Variants in TARS1 observed in about 807,000 individuals in gnomAD.
TARS1 encodes the protein threonine--tRNA ligase 1, cytoplasmic.
Under a neutral mutation model 97.7 loss-of-function variants are expected in TARS1, and 57 were observed. The observed-to-expected ratio is 0.58, with a 90% CI of 0.47 to 0.73. The LOEUF is 0.73. Among genes scored for constraint, TARS1 ranks in the 30% least tolerant of loss-of-function variants. The pLI is 0.00. For synonymous variants in TARS1, 312 were observed against 293.7 expected (o/e 1.06, Z -0.64); for missense variants, 806 against 888.3 (o/e 0.91, Z 1.18).
At chr5:33,462,327 A>G in intron 16 of TARS1, 124 bp downstream of exon 16, 1 of 827,632 alleles carries the variant, frequency 1.2e-6, no homozygotes, top group Non-Finnish European at 1.9e-6. Context: ...CTAACTAACG[A>G]CAAGTGTTCA....
intron 1 of TARS1, chr5:33,441,585 G>A (rs1311534863): frequency 6.1e-6 from 1 of 164,132 alleles, no homozygotes; most frequent in Non-Finnish European, 1.3e-5. Flanking sequence ...GGAAAACCGA[G>A]TGCCCGAGAT....
chr5:33,448,137 T>C (rs1401800451), intron 2 of TARS1, among the ~76,000 whole-genome samples: 5 of 152,210 alleles, frequency 3.3e-5, no homozygotes, highest in African/African-American at 7.2e-5. Context: ...AGTGGACATA[T>C]AGGCTGACCC....
intron 11 of TARS1, 171 bp downstream of exon 11, chr5:33,460,032 T>G (rs1742218390): frequency 2.0e-5 from 12 of 611,598 alleles, no homozygotes; most frequent in Non-Finnish European, 2.8e-5. Context: ...TCCCCACTTT[T>G]TTTTTTTTTT....
intron 10 of TARS1, 137 bp from the exon 11 acceptor site, chr5:33,459,558 T>G (rs1391928357): frequency 9.5e-7 from 1 of 1,048,270 alleles, no homozygotes; most frequent in African/African-American, 1.6e-5. Flanking sequence ...GGTATATACT[T>G]AGAAGTGGGA....
chr5:33,449,581 G>A (rs374428574), intron 3 of TARS1, among the ~76,000 whole-genome samples: 23 of 147,386 alleles, frequency 1.6e-4, no homozygotes, highest in African/African-American at 4.7e-4. Context: ...TCAGCCTCCC[G>A]AGTAGCTGGG....
At chr5:33,455,377 G>T (rs1741960796) in intron 5 of TARS1, among the ~76,000 whole-genome samples, 1 of 152,140 alleles carries the variant, frequency 6.6e-6, no homozygotes, top group Non-Finnish European at 1.5e-5. Flanking sequence ...GGTCTCCATG[G>T]ATGACCAAGG....
At chr5:33,443,537 G>C (rs2111919754) in intron 1 of TARS1, among the ~76,000 whole-genome samples, 2 of 145,216 alleles carry the variant, frequency 1.4e-5, no homozygotes, top group Middle Eastern at 7.5e-3. Flanking sequence ...CTGTCTCCCA[G>C]GCTGGAGTGC....
intron 17 of TARS1, chr5:33,466,669 G>T (rs1188960222): frequency 5.0e-6 from 2 of 401,614 alleles, no homozygotes; most frequent in Non-Finnish European, 4.5e-6. Context: ...TAATACACAT[G>T]ACCTGAGGTA....
Position 33,461,315 on chromosome 5 carries a change from G to C in TARS1, c.1551+20G>C. The C allele has an allele frequency of 1.2e-6, 2 of 1,606,110 alleles. No homozygotes were observed. The highest frequency in any genetic ancestry group is 1.7e-6 in the Non-Finnish European group (2 of 1,177,260). On this transcript the variant is annotated intron_variant, in intron 13 of 18. Coordinates refer to ENST00000265112, the MANE Select transcript of TARS1 (RefSeq NM_152295.5). Reference sequence around the variant, plus strand: ...GAGAAAGTAAGTGGTGTTTTTCAGCGTGCTTTTGAATACTGTTTGAAATTG... The same window carrying C: ...GAGAAAGTAAGTGGTGTTTTTCAGCCTGCTTTTGAATACTGTTTGAAATTG...
At chr5:33,455,726 G>GGCC (rs778340825) in intron 6 of TARS1, 22 bp downstream of exon 6, 1 of 1,477,382 alleles carries the variant, frequency 6.8e-7, no homozygotes, top group Non-Finnish European at 9.4e-7. Context: ...CATAGTGCGT[G>GGCC]GCCCCCACTG....
chr5:33,443,000 G>C (rs989959084), intron 1 of TARS1, among the ~76,000 whole-genome samples: 2 of 152,126 alleles, frequency 1.3e-5, no homozygotes, highest in African/African-American at 4.8e-5. Flanking sequence ...GATCATTCCT[G>C]AGAAAGGTAA....
Position 33,467,982 on chromosome 5 carries a change from T to G in TARS1, c.*274T>G. The G allele has an allele frequency of 3.3e-6, 1 of 301,592 alleles. No individual in the cohort carries two copies. The highest frequency in any genetic ancestry group is 6.0e-6 in the Non-Finnish European group (1 of 165,706). The allele number at this position is 301,592 out of a possible 1,614,324, so 18.7% of individuals were successfully genotyped here. A position where few individuals can be genotyped will look rare whatever the true frequency, so the allele number is the denominator to read the frequency against. On this transcript the variant is annotated 3_prime_UTR_variant, in exon 19 of 19. Transcript: ENST00000265112. Reference sequence around the variant, plus strand: ...ACATGAGGAATGCTTTAGTGTAATGTGGGAGAACTTTTTTGTAAATTTAAT... The same window carrying G: ...ACATGAGGAATGCTTTAGTGTAATGGGGGAGAACTTTTTTGTAAATTTAAT...
At chr5:33,459,588 G>A in intron 10 of TARS1, 107 bp from the exon 11 acceptor site, 2 of 1,304,456 alleles carry the variant, frequency 1.5e-6, no homozygotes, top group Non-Finnish European at 2.1e-6. Context: ...CATGGCATGT[G>A]TCCATCTTTT....
At chr5:33,459,991 C>T (rs1742215852) in intron 11 of TARS1, 130 bp downstream of exon 11, 2 of 869,772 alleles carry the variant, frequency 2.3e-6, no homozygotes, top group Admixed American at 2.9e-5. Context: ...AACGCAACAT[C>T]TTTGTATTAT....
chr5:33,455,952 G>A, intron 6 of TARS1, 50 bp from the exon 7 acceptor site: 2 of 1,535,370 alleles, frequency 1.3e-6, no homozygotes, highest in Non-Finnish European at 1.8e-6. Flanking sequence ...GTACTTAGAA[G>A]TAAAAATTAA....
chr5:33,467,701 A>T lies in TARS1; in HGVS notation c.2165A>T (p.Glu722Val), dbSNP rs745495498. 1.6e-5 allele frequency: 25 copies of T among 1,608,504 alleles called. No individual in the cohort carries two copies. Among genetic ancestry groups the T allele is most frequent in the Middle Eastern group, 1.7e-4 (1 of 6,038 alleles). The stretch of plus-strand genomic sequence containing the variant: ...TTCCGCAGCAAACAGGCAGAAGAAG[A>T]ATTTTAATGAAAAAATTACCCAGAT... The part of the protein sequence containing the change: ...KEFRSKQAEE[E>V]F Residue 722 changes from glutamate to valine, a missense_variant, in exon 19 of 19, where the codon GAA becomes GTA. Physicochemically the swap from Glu to Val is moderately radical, Grantham distance 121 (BLOSUM62 -2). Around this residue, in one of 3 missense-constraint regions of TARS1, gnomAD observed 446 missense variants for 511.0 expected, o/e 0.87. Transcript: ENST00000265112.
In TARS1 at chr5:33,445,316, T is replaced by C. The variant is rs1466434887; in HGVS notation, c.58-8T>C. ...GATTAAAATATAAAACGTTTTTTGC[T>C]TATTTAGATTGGTGCTGGTGAAGAG... On this transcript the variant is annotated splice_polypyrimidine_tract_variant and splice_region_variant and intron_variant, in intron 1 of 18. Transcript: ENST00000265112. 1.9e-6 allele frequency: 3 copies of C among 1,607,444 alleles called. No individual in the cohort carries two copies.
chr5:33,457,943 G>C (rs1742108509), intron 9 of TARS1, among the ~76,000 whole-genome samples: 1 of 152,174 alleles, frequency 6.6e-6, no homozygotes, highest in African/African-American at 2.4e-5. Flanking sequence ...AGGTTATGAA[G>C]CTTGAGCTGG....
chr5:33,455,838 AT>A (rs55749081), intron 6 of TARS1, 134 bp downstream of exon 6: 203,640 of 969,968 alleles, frequency 0.21, 24,917 homozygotes, highest in East Asian at 0.49. Flanking sequence ...TGTTTTTATT[AT>A]TTTTTTAATT....
Sources: gnomAD v4.1 joint callset for allele counts (sites outside exome capture counted in the v4.1 genomes callset) on GRCh38, gnomAD v4.1.1 for gene constraint, gnomAD v4.1.1 regional missense constraint, MANE v1.5 for transcripts, NCBI Gene and HGNC (gene_info 2026-07-23, HGNC 2026-07-21) for gene names.